CNTN4: variants seen among roughly 807,000 people sequenced by gnomAD.
CNTN4 encodes the protein contactin-4.
Under a neutral mutation model 122.5 loss-of-function variants are expected in CNTN4, and 77 were observed. That is an observed-to-expected ratio of 0.63 (90% confidence interval 0.52 to 0.76). The LOEUF (loss-of-function observed/expected upper bound fraction) is 0.76. CNTN4 is among the 30% of genes least tolerant of loss of function. The probability of loss-of-function intolerance (pLI) is 0.00; values close to 1 mark genes in which losing one functional copy is unlikely to be tolerated. For missense variants in CNTN4, 1,256 were observed against 1,259.1 expected (o/e 1.00, Z 0.04); for synonymous variants, 512 against 447.0 (o/e 1.15, Z -1.83).
chr3:2,610,087 C>T (rs1251143901), intron 4 of CNTN4, among the ~76,000 whole-genome samples: 1 of 152,136 alleles, frequency 6.6e-6, no homozygotes, highest in Non-Finnish European at 1.5e-5. Flanking sequence ...ATCTGTATTA[C>T]AAGTAAATAC....
chr3:2,911,828 C>G (rs1202782776), intron 12 of CNTN4, among the ~76,000 whole-genome samples: 1 of 152,152 alleles, frequency 6.6e-6, no homozygotes, highest in African/African-American at 2.4e-5. Context: ...CAACAACAGG[C>G]TTGACCAGAC....
In CNTN4 at chr3:2,518,287, TTCA is replaced by T. The variant is rs561988218; in HGVS notation, c.-88-53125_-88-53123del. Reference sequence around the variant, plus strand: ...CTAAGATCTTTGCAAACCTTTAATGTTCATCAAGGGCTGTGTCTAAATGATACG... The same window carrying T: ...CTAAGATCTTTGCAAACCTTTAATGTTCAAGGGCTGTGTCTAAATGATACG... On this transcript the variant is annotated intron_variant, in intron 3 of 24. Coordinates refer to ENST00000418658, the MANE Select transcript of CNTN4 (RefSeq NM_175607.3). 4.5e-4 allele frequency among the ~76,000 whole-genome samples: 68 copies of T among 152,296 alleles called. 2 individuals are homozygous for T. The South Asian group carries it at 8.5e-3, about 19-fold the overall frequency.
At chr3:2,133,457 A>G (rs2034544303) in intron 2 of CNTN4, among the ~76,000 whole-genome samples, 1 of 152,208 alleles carries the variant, frequency 6.6e-6, no homozygotes, top group Non-Finnish European at 1.5e-5. Context: ...TATTTTGCAA[A>G]TAGTGATAAG....
At chr3:2,627,722 T>A (rs966223997) in intron 4 of CNTN4, among the ~76,000 whole-genome samples, 1 of 152,086 alleles carries the variant, frequency 6.6e-6, no homozygotes, top group Admixed American at 6.5e-5. Flanking sequence ...CTCGATCTCC[T>A]GACCTTGTGA....
intron 3 of CNTN4, among the ~76,000 whole-genome samples, chr3:2,540,464 A>G (rs980205688): frequency 6.6e-6 from 1 of 152,032 alleles, no homozygotes; most frequent in Non-Finnish European, 1.5e-5. Context: ...ACACAGGAGA[A>G]AAGACGGTGG....
intron 3 of CNTN4, among the ~76,000 whole-genome samples, chr3:2,390,207 GA>G (rs2046392140): frequency 7.7e-6 from 1 of 129,950 alleles, no homozygotes; most frequent in Non-Finnish European, 1.6e-5. Context: ...ATGGGTTTAG[GA>G]AAAAAGAGTG....
At chr3:3,045,885 G>T (rs1014502122) in intron 23 of CNTN4, among the ~76,000 whole-genome samples, 1 of 152,060 alleles carries the variant, frequency 6.6e-6, no homozygotes, top group Non-Finnish European at 1.5e-5. Context: ...CTTGAAAAAA[G>T]GTTAGACAAA....
chr3:2,523,023 C>A (rs1009401805), intron 3 of CNTN4, among the ~76,000 whole-genome samples: 1 of 151,970 alleles, frequency 6.6e-6, no homozygotes, highest in Non-Finnish European at 1.5e-5. Flanking sequence ...TACATCTTTG[C>A]CTGACATCTG....
intron 2 of CNTN4, among the ~76,000 whole-genome samples, chr3:2,155,753 A>G (rs940368157): frequency 6.6e-6 from 1 of 152,092 alleles, no homozygotes; most frequent in Non-Finnish European, 1.5e-5. Context: ...CCTCCAACAC[A>G]GCTAGCTCTT....
chr3:2,964,044 G>A (rs903953249), intron 13 of CNTN4, among the ~76,000 whole-genome samples: 2 of 152,112 alleles, frequency 1.3e-5, no homozygotes, highest in African/African-American at 4.8e-5. Flanking sequence ...ACACATAGTA[G>A]GTTCTTATTA....
intron 2 of CNTN4, among the ~76,000 whole-genome samples, chr3:2,171,602 T>G (rs776376003): frequency 2.0e-4 from 30 of 152,206 alleles, no homozygotes; most frequent in Non-Finnish European, 3.5e-4. Context: ...ATCGTCTATA[T>G]TCTACCTGTA....
At chr3:2,527,953 G>A (rs922063474) in intron 3 of CNTN4, among the ~76,000 whole-genome samples, 1 of 151,986 alleles carries the variant, frequency 6.6e-6, no homozygotes, top group Admixed American at 6.6e-5. Flanking sequence ...CCTTCCCGAT[G>A]TCTCCCTTCA....
intron 4 of CNTN4, among the ~76,000 whole-genome samples, chr3:2,633,719 A>G (rs1335408425): frequency 6.6e-6 from 1 of 152,248 alleles, no homozygotes; most frequent in Non-Finnish European, 1.5e-5. Context: ...GCAGAAGCAC[A>G]GTGTTCATAA....
chr3:2,546,503 C>T (rs947465539), intron 3 of CNTN4, among the ~76,000 whole-genome samples: 15 of 151,818 alleles, frequency 9.9e-5, no homozygotes, highest in African/African-American at 2.9e-4. Context: ...TTGAGGGTGG[C>T]GAGTGTGACG....
chr3:2,690,206 G>T (rs2085655625), intron 4 of CNTN4, among the ~76,000 whole-genome samples: 1 of 152,126 alleles, frequency 6.6e-6, no homozygotes. Context: ...TTTGCTACAA[G>T]TAACATTTCA....
chr3:2,819,967 G>A (rs765320562), intron 7 of CNTN4, among the ~76,000 whole-genome samples: 5 of 152,088 alleles, frequency 3.3e-5, no homozygotes, highest in Non-Finnish European at 7.3e-5. Flanking sequence ...GTGTCTACTC[G>A]CAATACTTCT....
intron 2 of CNTN4, among the ~76,000 whole-genome samples, chr3:2,162,771 G>A (rs563103591): frequency 1.4e-3 from 207 of 152,258 alleles, no homozygotes; most frequent in African/African-American, 4.8e-3. Flanking sequence ...TACTACTCAG[G>A]AGGATATCAC....
chr3:2,368,861 G>C (rs1179911912), intron 3 of CNTN4, among the ~76,000 whole-genome samples: 1 of 152,174 alleles, frequency 6.6e-6, no homozygotes, highest in East Asian at 1.9e-4. Flanking sequence ...ATTGGATGGT[G>C]AATTAAACTT....
At chr3:2,577,684 A>C (rs1658179756) in intron 4 of CNTN4, among the ~76,000 whole-genome samples, 1 of 152,214 alleles carries the variant, frequency 6.6e-6, no homozygotes, top group Admixed American at 6.5e-5. Context: ...AATTTCACAT[A>C]GGTCATATGC....
Sources: allele counts gnomAD v4.1 joint callset (sites outside exome capture counted in the v4.1 genomes callset), GRCh38; gene constraint gnomAD v4.1.1; transcripts MANE v1.5; gene names NCBI Gene and HGNC (gene_info 2026-07-23, HGNC 2026-07-21).